RIMS2: variants seen among roughly 807,000 people sequenced by gnomAD.
RIMS2 encodes the protein regulating synaptic membrane exocytosis 2, also known as regulating synaptic membrane exocytosis protein 2.
Under a neutral mutation model 174.4 loss-of-function variants are expected in RIMS2, and 59 were observed. The ratio of observed to expected loss-of-function variants is 0.34; its 90% CI spans 0.27 to 0.42. The LOEUF is 0.42. Among genes scored for constraint, RIMS2 ranks in the 10% least tolerant of loss-of-function variants. RIMS2 has a pLI of 1.00. For missense variants in RIMS2, 1,620 were observed against 1,666.3 expected (o/e 0.97, Z 0.48); for synonymous variants, 606 against 572.5 (o/e 1.06, Z -0.84).
At chr8:103,672,627 AAGAT>A (rs1181593886) in intron 1 of RIMS2, among the ~76,000 whole-genome samples, 27 of 152,030 alleles carry the variant, frequency 1.8e-4, no homozygotes, top group African/African-American at 6.5e-4. Flanking sequence ...CACTATAGTG[AAGAT>A]AGCACCAAGC....
At chr8:104,249,461 C>G in intron 21 of RIMS2, 26 bp from the exon 28 acceptor site, 1 of 1,281,950 alleles carries the variant, frequency 7.8e-7, no homozygotes, top group Non-Finnish European at 1.1e-6. Context: ...TATTAAAGCA[C>G]ATTTGTTCCT....
chr8:103,931,450 CA>C (rs1412569300), intron 12 of RIMS2, 57 bp downstream of exon 14: 2 of 1,223,396 alleles, frequency 1.6e-6, no homozygotes, highest in African/African-American at 3.0e-5. Flanking sequence ...ATGTTCATAG[CA>C]ATGGGTATTT....
intron 1 of RIMS2, among the ~76,000 whole-genome samples, chr8:103,522,230 A>T (rs1461611017): frequency 6.6e-6 from 1 of 152,122 alleles, no homozygotes; most frequent in East Asian, 1.9e-4. Flanking sequence ...ACTAATATTA[A>T]GATTTCAGTA....
intron 3 of RIMS2, among the ~76,000 whole-genome samples, chr8:103,782,074 T>C (rs967922665): frequency 6.6e-6 from 1 of 151,460 alleles, no homozygotes; most frequent in Non-Finnish European, 1.5e-5. Context: ...ATATATTTAC[T>C]GCATACTCCA....
chr8:104,086,266 GTTTTTTTTT>G, intron 19 of RIMS2, among the ~76,000 whole-genome samples: 1 of 112,920 alleles, frequency 8.9e-6, no homozygotes, highest in East Asian at 2.7e-4. Flanking sequence ...GTTCTGGTGG[GTTTTTTTTT>G]TTTTTTTTTT....
chr8:103,702,852 GTTT>G (rs59947900), intron 2 of RIMS2, among the ~76,000 whole-genome samples: 176 of 117,254 alleles, frequency 1.5e-3, no homozygotes, highest in Middle Eastern at 0.014. Context: ...TCCTCCAGCT[GTTT>G]TTTTTTTTTT....
intron 19 of RIMS2, among the ~76,000 whole-genome samples, chr8:104,107,965 CTG>C (rs1243506995): frequency 1.4e-3 from 177 of 123,196 alleles, no homozygotes; most frequent in Non-Finnish European, 2.3e-3. Context: ...GGTCTTTCCC[CTG>C]CCCCCCCCCC....
intron 10 of RIMS2, among the ~76,000 whole-genome samples, chr8:103,926,119 T>G (rs914039862): frequency 9.2e-5 from 14 of 151,532 alleles, no homozygotes; most frequent in African/African-American, 3.4e-4. Context: ...AAGTATTCCT[T>G]TTAAAGTGAA....
intron 19 of RIMS2, among the ~76,000 whole-genome samples, chr8:104,136,891 C>A (rs2098525432): frequency 6.6e-6 from 1 of 152,036 alleles, no homozygotes; most frequent in Non-Finnish European, 1.5e-5. Context: ...GTGCAACAAA[C>A]CCCTGTAACA....
intron 19 of RIMS2, among the ~76,000 whole-genome samples, chr8:104,056,690 G>A (rs915850863): frequency 2.6e-5 from 4 of 151,936 alleles, no homozygotes; most frequent in Non-Finnish European, 5.9e-5. Context: ...GAGACCAGCC[G>A]GGGAAACATA....
intron 1 of RIMS2, among the ~76,000 whole-genome samples, chr8:103,574,863 T>A (rs1245637616): frequency 6.6e-6 from 1 of 152,220 alleles, no homozygotes; most frequent in Non-Finnish European, 1.5e-5. Context: ...ACAAAGGAGA[T>A]AGAAGATATT....
intron 4 of RIMS2, among the ~76,000 whole-genome samples, chr8:103,900,061 T>C (rs1356615554): frequency 6.6e-6 from 1 of 151,692 alleles, no homozygotes; most frequent in African/African-American, 2.4e-5. Context: ...AGGGCTCTGT[T>C]CTGTTCCATT....
intron 19 of RIMS2, among the ~76,000 whole-genome samples, chr8:104,036,837 A>G (rs2154557073): frequency 1.3e-5 from 2 of 152,256 alleles, no homozygotes; most frequent in South Asian, 4.1e-4. Context: ...AGATCGTGCC[A>G]CTTCAGTCCA....
chr8:103,588,288 A>C (rs527387984), intron 1 of RIMS2, among the ~76,000 whole-genome samples: 181 of 152,160 alleles, frequency 1.2e-3, no homozygotes, highest in Middle Eastern at 6.8e-3. Context: ...ATGTTCATGG[A>C]TTGAAAGAAT....
At chr8:104,069,457 ATTG>A (rs1371106165) in intron 19 of RIMS2, among the ~76,000 whole-genome samples, 7 of 139,466 alleles carry the variant, frequency 5.0e-5, no homozygotes, top group African/African-American at 1.9e-4. Context: ...GTATTAATTA[ATTG>A]TTCTTTTTTT....
At chr8:103,608,093 A>T (rs1180866947) in intron 1 of RIMS2, among the ~76,000 whole-genome samples, 2 of 149,270 alleles carry the variant, frequency 1.3e-5, no homozygotes, top group Non-Finnish European at 3.0e-5. Flanking sequence ...TTTAATTTCC[A>T]GTTTTTCTGT....
At chr8:103,960,160 T>A (rs2089454111) in intron 14 of RIMS2, among the ~76,000 whole-genome samples, 1 of 152,130 alleles carries the variant, frequency 6.6e-6, no homozygotes, top group Non-Finnish European at 1.5e-5. Context: ...CTGAAACACA[T>A]GGAGGTGAAA....
intron 1 of RIMS2, among the ~76,000 whole-genome samples, chr8:103,603,511 C>T (rs184897369): frequency 0.065 from 9,896 of 151,718 alleles, 398 homozygotes; most frequent in South Asian, 0.088. Flanking sequence ...GGGTATATAC[C>T]CAGTAATGGG....
intron 2 of RIMS2, among the ~76,000 whole-genome samples, chr8:103,701,547 G>A (rs937856040): frequency 1.3e-5 from 2 of 151,718 alleles, no homozygotes; most frequent in African/African-American, 4.8e-5. Context: ...CTATATTTTT[G>A]TACCCATTAA....
Sources: allele counts gnomAD v4.1 joint callset (sites outside exome capture counted in the v4.1 genomes callset), GRCh38; gene constraint gnomAD v4.1.1; transcripts MANE v1.5; gene names NCBI Gene and HGNC (gene_info 2026-07-23, HGNC 2026-07-21).